DNAI3: variants seen among roughly 807,000 people sequenced by gnomAD.
DNAI3 encodes the protein dynein axonemal intermediate chain 3, also known as WD repeat domain 63.
DNAI3 carries 83 observed loss-of-function variants against 115.5 expected under a neutral mutation model. The observed-to-expected ratio is 0.72, with a 90% CI of 0.60 to 0.86. The LOEUF (loss-of-function observed/expected upper bound fraction) is 0.86, where lower values mean the gene tolerates loss of function less well. Among genes scored for constraint, DNAI3 ranks in the 40% least tolerant of loss-of-function variants. The pLI is 0.00. For missense variants in DNAI3, 1,004 were observed against 1,075.8 expected, an observed-to-expected ratio of 0.93 and a Z score of 0.93; for synonymous variants, 320 against 347.0, an observed-to-expected ratio of 0.92 and a Z score of 0.86.
chr1:85,129,112 A>C (rs1470694131), intron 21 of DNAI3, among the ~76,000 whole-genome samples: 3 of 152,090 alleles, frequency 2.0e-5, no homozygotes, highest in Non-Finnish European at 4.4e-5. Flanking sequence ...GATTTCAGTG[A>C]TACCCTTCCC....
intron 4 of DNAI3, among the ~76,000 whole-genome samples, 162 bp downstream of exon 4, chr1:85,081,577 T>A (rs559860437): frequency 1.2e-4 from 18 of 152,210 alleles, no homozygotes; most frequent in Non-Finnish European, 2.2e-4. Context: ...TGATCCTCTG[T>A]GAAAAGCAAA....
At chr1:85,093,406 T>C (rs1655037101) in intron 8 of DNAI3, 52 bp from the exon 9 acceptor site, 9 of 1,547,092 alleles carry the variant, frequency 5.8e-6, no homozygotes, top group Middle Eastern at 3.4e-4. Context: ...AGTCACATTA[T>C]TGGATACTAA....
intron 17 of DNAI3, among the ~76,000 whole-genome samples, chr1:85,120,501 CA>C (rs1160681048): frequency 6.6e-6 from 1 of 152,176 alleles, no homozygotes; most frequent in Non-Finnish European, 1.5e-5. Context: ...GAGCCTTCAA[CA>C]CACATTTATT....
At chr1:85,112,695 GT>G (rs1001305161) in intron 16 of DNAI3, among the ~76,000 whole-genome samples, 1 of 152,172 alleles carries the variant, frequency 6.6e-6, no homozygotes, top group African/African-American at 2.4e-5. Flanking sequence ...ATTTTCGCAT[GT>G]TTTTTGCCAC....
At chr1:85,079,033 C>G (rs1350428932) in intron 3 of DNAI3, among the ~76,000 whole-genome samples, 1 of 152,216 alleles carries the variant, frequency 6.6e-6, no homozygotes, top group Non-Finnish European at 1.5e-5. Context: ...GCTTTCTGGT[C>G]TTCTGAATGC....
At position 85,081,366 on chromosome 1, in the gene DNAI3, G is replaced by A. The variant is rs374125994; in HGVS notation, c.236G>A (p.Arg79His). ...AAAGAAGACATTTTTGAGGACCTGC[G>A]CAACAGAGCTGCAGTATCTGATTTC... is the stretch of plus-strand genomic sequence containing the variant. Reference protein sequence around the residue: ...INKEDIFEDLRNRAAVSDFHP... With the variant: ...INKEDIFEDLHNRAAVSDFHP... The change falls in exon 4 of 23, where the codon CGC becomes CAC. Residue 79 changes from arginine (R) to histidine (H), a missense_variant. Arg to His is a conservative substitution (Grantham distance 29, BLOSUM62 0). Coordinates refer to ENST00000294664, the MANE Select transcript of DNAI3 (RefSeq NM_145172.5). 1.7e-5 allele frequency: 27 copies of A among 1,600,898 alleles called. No individual in the cohort carries two copies. The highest frequency in any genetic ancestry group is 2.7e-5 in the African/African-American group (2 of 73,714).
intron 3 of DNAI3, among the ~76,000 whole-genome samples, chr1:85,080,029 CTTTTCT>C (rs1453978318): frequency 1.5e-5 from 2 of 137,526 alleles, no homozygotes; most frequent in Non-Finnish European, 3.2e-5. Flanking sequence ...GGGAAAGTTT[CTTTTCT>C]TTTTCTTTTT....
intron 7 of DNAI3, among the ~76,000 whole-genome samples, chr1:85,087,452 A>C (rs992078774): frequency 6.6e-6 from 1 of 150,450 alleles, no homozygotes; most frequent in African/African-American, 2.4e-5. Context: ...AAAAAAAAAA[A>C]AAAAAAAGAA....
At chr1:85,068,062 T>G (rs560720721) in intron 1 of DNAI3, among the ~76,000 whole-genome samples, 1 of 152,216 alleles carries the variant, frequency 6.6e-6, no homozygotes, top group Non-Finnish European at 1.5e-5. Context: ...GCCTTTTGTT[T>G]AGACTGGAAA....
chr1:85,103,281 G>C (rs1330407125), intron 13 of DNAI3, among the ~76,000 whole-genome samples: 1 of 152,144 alleles, frequency 6.6e-6, no homozygotes, highest in African/African-American at 2.4e-5. Flanking sequence ...CCTGCTTTGA[G>C]AGCTAGTGGG....
intron 16 of DNAI3, among the ~76,000 whole-genome samples, chr1:85,113,715 T>A (rs950229096): frequency 6.6e-6 from 1 of 152,166 alleles, no homozygotes; most frequent in East Asian, 1.9e-4. Context: ...GAACAGCTTG[T>A]TATGCATAAA....
chr1:85,126,519 G>T lies in DNAI3; in HGVS notation c.2121G>T (p.Pro707=). 1.2e-6 allele frequency: 2 copies of T among 1,612,972 alleles called. No individual in the cohort carries two copies. The highest frequency in any genetic ancestry group is 1.1e-5 in the South Asian group (1 of 90,862). ...TAAAAATTTGTTTAAAGACTGGACC[G>T]CTCCTTCAGTCATGCTGTGCACCAA... is the stretch of plus-strand genomic sequence containing the variant. ...AIWKEGVMTG[P]LLQSCCAPKR... is the part of the protein sequence containing the mutation. The change falls in exon 20 of 23, where the codon CCG becomes CCT. Residue 707 remains proline, a synonymous_variant. Transcript: ENST00000294664.
intron 14 of DNAI3, among the ~76,000 whole-genome samples, chr1:85,106,154 G>C (rs1655485858): frequency 6.6e-6 from 1 of 152,104 alleles, no homozygotes; most frequent in African/African-American, 2.4e-5. Context: ...TGTGTACAAA[G>C]CACATTATAT....
intron 22 of DNAI3, 112 bp from the exon 23 acceptor site, chr1:85,132,743 T>A: frequency 7.7e-6 from 10 of 1,292,262 alleles, no homozygotes; most frequent in Non-Finnish European, 9.3e-6. Context: ...CATCCAGCCC[T>A]TTCCAGAAAA....
At position 85,066,483 on chromosome 1, in the gene DNAI3, C is replaced by T. The variant is rs561447530; in HGVS notation, c.-15+3997C>T. On this transcript the variant is annotated intron_variant, in intron 1 of 22. Transcript: ENST00000294664. ...CTGAGACTACAGGCGCCTGCCACCA[C>T]GCCTGGATAATTTTTTTGTATTTTT... Among the ~76,000 whole-genome samples, 16 of 151,882 alleles carry T rather than the reference C, an allele frequency of 1.1e-4. No homozygotes were observed. The South Asian group carries it at 2.9e-3, about 28-fold the overall frequency.
intron 9 of DNAI3, 156 bp from the exon 10 acceptor site, chr1:85,094,275 G>T (rs1002292620): frequency 1.1e-6 from 1 of 944,534 alleles, no homozygotes; most frequent in Non-Finnish European, 1.6e-6. Context: ...CATGTAACTA[G>T]TGGCAACCAC....
chr1:85,066,288 G>A (rs2840050), intron 1 of DNAI3, among the ~76,000 whole-genome samples: 17,340 of 142,476 alleles, frequency 0.12, 1,292 homozygotes, highest in East Asian at 0.25. Context: ...GATTTTAGGA[G>A]TAGACGAATT....
chr1:85,070,815 A>G (rs756480752), intron 1 of DNAI3, among the ~76,000 whole-genome samples: 1 of 152,244 alleles, frequency 6.6e-6, no homozygotes, highest in Middle Eastern at 3.2e-3. Flanking sequence ...AGTACTTGGA[A>G]CTGTGCTTGG....
At chr1:85,093,323 C>T in intron 8 of DNAI3, 135 bp from the exon 9 acceptor site, 2 of 857,210 alleles carry the variant, frequency 2.3e-6, no homozygotes, top group Non-Finnish European at 3.5e-6. Context: ...TGAGGTTAAT[C>T]ATTATCACCA....
Sources: allele counts gnomAD v4.1 joint callset (sites outside exome capture counted in the v4.1 genomes callset), GRCh38; gene constraint gnomAD v4.1.1; transcripts MANE v1.5; gene names NCBI Gene and HGNC (gene_info 2026-07-23, HGNC 2026-07-21).